The following AGPS variants were observed in gnomAD, a reference collection of about 807,000 sequenced individuals.
AGPS encodes alkylglycerone phosphate synthase, also known as alkyldihydroxyacetonephosphate synthase, peroxisomal.
AGPS carries 26 observed loss-of-function variants against 90.7 expected under a neutral mutation model. That is an observed-to-expected ratio of 0.29 (90% confidence interval 0.21 to 0.40). AGPS has a LOEUF of 0.40. Ranked by LOEUF, AGPS falls within the 10% of genes least tolerant of loss-of-function variation. The pLI is 1.00. For synonymous variants in AGPS, 294 were observed against 285.3 expected (o/e 1.03, Z -0.31); for missense variants, 540 against 816.1 (o/e 0.66, Z 4.12).
chr2:177,511,016 A>G (rs1160313978), intron 16 of AGPS, among the ~76,000 whole-genome samples: 2 of 152,168 alleles, frequency 1.3e-5, no homozygotes, highest in African/African-American at 4.8e-5. Flanking sequence ...TTCTTCATAG[A>G]TTCTTATGAA....
Position 177,420,193 on chromosome 2 carries a change from TAATAATC to T in AGPS, c.261-72_261-66del. 4.3e-6 allele frequency: 4 copies of T among 931,316 alleles called. No individual in the cohort carries two copies. The Admixed American group carries it at 7.4e-5, about 17-fold the overall frequency. 57.7% of individuals were successfully genotyped at this position (931,316 alleles called of 1,614,324 possible). On this transcript the variant is annotated intron_variant, in intron 1 of 19. Coordinates refer to ENST00000264167, the MANE Select transcript of AGPS (RefSeq NM_003659.4). ...TAAGGTATTTTAGATGATTGTGAGT[TAATAATC>T]AATGATATACTGTACAGTTTTAAGA...
chr2:177,464,451 G>A (rs776679003), intron 9 of AGPS, among the ~76,000 whole-genome samples: 9 of 152,182 alleles, frequency 5.9e-5, no homozygotes, highest in Non-Finnish European at 7.3e-5. Flanking sequence ...GCACAGTAAC[G>A]ATGCTCATAG....
intron 18 of AGPS, among the ~76,000 whole-genome samples, chr2:177,521,991 T>G (rs1437573797): frequency 6.6e-6 from 1 of 152,214 alleles, no homozygotes; most frequent in Non-Finnish European, 1.5e-5. Flanking sequence ...TTAACTGCAT[T>G]GCACACCTGC....
chr2:177,449,923 C>T (rs758353442), intron 8 of AGPS, among the ~76,000 whole-genome samples: 4 of 150,768 alleles, frequency 2.7e-5, no homozygotes, highest in Admixed American at 6.6e-5. Flanking sequence ...CTGCAAGCTC[C>T]GCCTCCCGGG....
intron 12 of AGPS, among the ~76,000 whole-genome samples, chr2:177,496,143 A>G (rs1177489301): frequency 6.6e-6 from 1 of 152,148 alleles, no homozygotes; most frequent in Non-Finnish European, 1.5e-5. Context: ...TACTAGCATT[A>G]ATGGAAATTG....
At chr2:177,460,565 T>C (rs977522504) in intron 8 of AGPS, among the ~76,000 whole-genome samples, 5 of 152,224 alleles carry the variant, frequency 3.3e-5, no homozygotes, top group African/African-American at 9.6e-5. Flanking sequence ...ACCTGGTACA[T>C]CTTAGGGCTC....
At chr2:177,527,522 C>A (rs574700173) in intron 19 of AGPS, among the ~76,000 whole-genome samples, 28 of 151,760 alleles carry the variant, frequency 1.8e-4, no homozygotes, top group Admixed American at 5.3e-4. Context: ...TTTTAATTTC[C>A]TCATCATAGA....
At chr2:177,445,392 A>G (rs1686737964) in intron 7 of AGPS, among the ~76,000 whole-genome samples, 154 bp from the exon 8 acceptor site, 1 of 152,238 alleles carries the variant, frequency 6.6e-6, no homozygotes, top group African/African-American at 2.4e-5. Context: ...ATAGTCTGGG[A>G]TAAGTGGACT....
intron 2 of AGPS, among the ~76,000 whole-genome samples, chr2:177,431,883 C>T (rs938732616): frequency 4.6e-5 from 7 of 152,126 alleles, no homozygotes; most frequent in Non-Finnish European, 7.4e-5. Flanking sequence ...GACCTACATT[C>T]TCAGCTTATG....
At position 177,461,884 on chromosome 2, in the gene AGPS, G is replaced by A. The variant is rs1687303922; in HGVS notation, c.871-9G>A. 2 of 1,595,860 alleles carry A rather than the reference G, an allele frequency of 1.3e-6. No homozygotes were observed. The highest frequency in any genetic ancestry group is 1.7e-6 in the Non-Finnish European group (2 of 1,168,878). On this transcript the variant is annotated splice_polypyrimidine_tract_variant and intron_variant, in intron 8 of 19. Transcript: ENST00000264167. ...TTTCACTGTAAAATGTTAAATTTTT[G>A]TTTTTCAGCTTAAAGAAAGTGGTTA...
rs1307112486 is a variant in AGPS at position 177,523,820 on chromosome 2, G to A, written c.1855+15G>A. 1.2e-6 allele frequency: 2 copies of A among 1,604,804 alleles called. No individual in the cohort carries two copies. Among genetic ancestry groups the A allele is most frequent in the Non-Finnish European group, 1.7e-6 (2 of 1,171,768 alleles). On this transcript the variant is annotated intron_variant, in intron 19 of 19. Coordinates refer to ENST00000264167, the MANE Select transcript of AGPS (RefSeq NM_003659.4). The stretch of plus-strand genomic sequence containing the variant: ...TCACCATGGAGGTATTCTTTTTTGG[G>A]AGTAGAATTTCTAATATTCTTACTT...
chr2:177,499,942 G>A (rs1688512439), intron 14 of AGPS, among the ~76,000 whole-genome samples: 1 of 151,786 alleles, frequency 6.6e-6, no homozygotes, highest in South Asian at 2.1e-4. Flanking sequence ...TTTTTAGGAA[G>A]TTAGATTGAT....
chr2:177,457,952 C>G (rs2105660361), intron 8 of AGPS, among the ~76,000 whole-genome samples: 1 of 152,252 alleles, frequency 6.6e-6, no homozygotes, highest in Admixed American at 6.5e-5. Flanking sequence ...TACTGGCAAA[C>G]CGAACGAATC....
chr2:177,443,439 A>T (rs1263649621), intron 7 of AGPS, among the ~76,000 whole-genome samples: 4 of 152,188 alleles, frequency 2.6e-5, no homozygotes, highest in Non-Finnish European at 5.9e-5. Context: ...TTTTGAATTT[A>T]TCTGTTGCTG....
At chr2:177,508,322 C>T (rs185716095) in intron 16 of AGPS, among the ~76,000 whole-genome samples, 20 of 152,248 alleles carry the variant, frequency 1.3e-4, no homozygotes, top group African/African-American at 4.8e-4. Context: ...TGTGGTTATA[C>T]TTCGCTTTGA....
intron 8 of AGPS, among the ~76,000 whole-genome samples, chr2:177,460,004 T>C (rs1207137235): frequency 2.0e-5 from 3 of 152,252 alleles, no homozygotes; most frequent in Non-Finnish European, 2.9e-5. Context: ...GATGAGTTCA[T>C]GTCCTTTGTG....
chr2:177,447,580 T>C (rs1291777637), intron 8 of AGPS, among the ~76,000 whole-genome samples: 2 of 151,634 alleles, frequency 1.3e-5, no homozygotes, highest in Non-Finnish European at 1.5e-5. Flanking sequence ...TTTGATGTAG[T>C]ATTTTAACCT....
In AGPS at chr2:177,442,397, AT is replaced by A; in HGVS notation, c.710-6del. The A allele has an allele frequency of 6.2e-7, 1 of 1,608,310 alleles. No individual in the cohort carries two copies. The highest frequency in any genetic ancestry group is 8.5e-7 in the Non-Finnish European group (1 of 1,174,716). On this transcript the variant is annotated splice_polypyrimidine_tract_variant and intron_variant, in intron 6 of 19. Transcript: ENST00000264167. ...TTAAACATAAAAGTTGTTGTTTCCTATTTTGGCAGGAGGAACAAGTGTTTCA... is the reference window on the plus strand; with the variant it reads ...TTAAACATAAAAGTTGTTGTTTCCTATTTGGCAGGAGGAACAAGTGTTTCA...
intron 17 of AGPS, among the ~76,000 whole-genome samples, chr2:177,516,388 A>T (rs13023655): frequency 0.86 from 130,901 of 151,762 alleles, 56,660 homozygotes; most frequent in East Asian, 0.95. Flanking sequence ...GCACAAAAAA[A>T]TTTTTTTAAT....
Sources: allele counts gnomAD v4.1 joint callset (sites outside exome capture counted in the v4.1 genomes callset), GRCh38; gene constraint gnomAD v4.1.1; transcripts MANE v1.5; gene names NCBI Gene and HGNC (gene_info 2026-07-23, HGNC 2026-07-21).